The following KHDRBS2 variants were observed in gnomAD, a reference collection of about 807,000 sequenced individuals.
KHDRBS2 encodes KH domain-containing, RNA-binding, signal transduction-associated protein 2.
KHDRBS2 carries 26 observed loss-of-function variants against 44.3 expected under a neutral mutation model. The observed-to-expected ratio is 0.59, with a 90% CI of 0.43 to 0.81. The LOEUF (loss-of-function observed/expected upper bound fraction) is 0.81, where lower values mean the gene tolerates loss of function less well. Ranked by LOEUF, KHDRBS2 falls within the 40% of genes least tolerant of loss-of-function variation. KHDRBS2 has a pLI of 0.00. For synonymous variants in KHDRBS2, 194 were observed against 151.1 expected (o/e 1.28, Z -2.08); for missense variants, 476 against 433.1 (o/e 1.10, Z -0.88).
At position 61,881,376 on chromosome 6, in the gene KHDRBS2, C is replaced by T. The variant is rs542649260; in HGVS notation, c.810+13259G>A. ...AATTAAAATAATGAACTTGAAAAGA[C>T]CTTTTTTTAATATTCAAAATGCATG... On this transcript the variant is annotated intron_variant, in intron 6 of 8. Transcript: ENST00000281156. Among the ~76,000 whole-genome samples, 9 of 152,006 alleles carry T rather than the reference C, an allele frequency of 5.9e-5. No homozygotes were observed. In the East Asian group the frequency reaches 1.5e-3, roughly 26 times the overall value.
chr6:61,889,424 G>A (rs1238105372), intron 6 of KHDRBS2, among the ~76,000 whole-genome samples: 1 of 152,210 alleles, frequency 6.6e-6, no homozygotes, highest in African/African-American at 2.4e-5. Flanking sequence ...TCAACAAACA[G>A]TGTCTCAATT....
intron 1 of KHDRBS2, among the ~76,000 whole-genome samples, chr6:62,263,352 A>T (rs1838675667): frequency 6.6e-6 from 1 of 151,676 alleles, no homozygotes; most frequent in African/African-American, 2.4e-5. Flanking sequence ...CAGCTACTGT[A>T]ATATCAATTC....
intron 4 of KHDRBS2, among the ~76,000 whole-genome samples, chr6:61,952,407 C>T (rs951566657): frequency 2.6e-5 from 4 of 152,128 alleles, no homozygotes; most frequent in South Asian, 4.1e-4. Flanking sequence ...ATAATCTTGT[C>T]ATGATAATTT....
At chr6:61,622,892 C>T in the KHDRBS2 span, among the ~76,000 whole-genome samples, 1 of 152,004 alleles carries the variant, frequency 6.6e-6, no homozygotes. Context: ...GTTCACAGAA[C>T]TGGCTTTGTT....
chr6:61,778,455 G>A (rs1782442706), intron 6 of KHDRBS2, among the ~76,000 whole-genome samples: 1 of 152,076 alleles, frequency 6.6e-6, no homozygotes, highest in Non-Finnish European at 1.5e-5. Context: ...TATCTCACAA[G>A]AAATTCAGGT....
intron 6 of KHDRBS2, among the ~76,000 whole-genome samples, chr6:61,799,452 A>T (rs1437809550): frequency 6.6e-6 from 1 of 152,048 alleles, no homozygotes; most frequent in Non-Finnish European, 1.5e-5. Context: ...AGGAAATATT[A>T]CCATCATTAT....
chr6:61,891,403 T>C (rs987038253), intron 6 of KHDRBS2, among the ~76,000 whole-genome samples: 26 of 152,170 alleles, frequency 1.7e-4, no homozygotes, highest in African/African-American at 5.8e-4. Flanking sequence ...TCTTTTTTTG[T>C]TGTGTCTCTG....
chr6:61,769,291 C>T (rs1010537634), intron 6 of KHDRBS2, among the ~76,000 whole-genome samples: 6 of 152,076 alleles, frequency 3.9e-5, no homozygotes, highest in Non-Finnish European at 5.9e-5. Context: ...GTTCATCTCA[C>T]TGGAGAGTGC....
chr6:62,200,659 T>C lies in KHDRBS2; in HGVS notation c.92-23347A>G, dbSNP rs542992384. 2.0e-5 allele frequency among the ~76,000 whole-genome samples: 3 copies of C among 152,322 alleles called. No homozygotes were observed. The East Asian group carries it at 5.8e-4, about 29-fold the overall frequency. ...GTGGGACCATAAACTAGTTCAACCA[T>C]TGTGGAAGTCAGTGTGGTGATTCTT... On this transcript the variant is annotated intron_variant, in intron 1 of 8. Transcript: ENST00000281156.
chr6:61,556,738 T>C, the KHDRBS2 span, among the ~76,000 whole-genome samples: 6 of 152,284 alleles, frequency 3.9e-5, no homozygotes, highest in South Asian at 1.2e-3. Flanking sequence ...TGGTGTCTGG[T>C]ACAAGTGCTT....
At chr6:61,709,478 ATATATT>A (rs1416015022) in intron 7 of KHDRBS2, among the ~76,000 whole-genome samples, 1 of 151,648 alleles carries the variant, frequency 6.6e-6, no homozygotes, top group Non-Finnish European at 1.5e-5. Context: ...TAAGAAGGAA[ATATATT>A]TATATATGCT....
In KHDRBS2 at chr6:62,170,740, G is replaced by A. The variant is rs114659016; in HGVS notation, c.219+6445C>T. Among the ~76,000 whole-genome samples the A allele has an allele frequency of 1.5e-3, 232 of 152,104 alleles. 1 individual carries two copies. Among genetic ancestry groups the A allele is most frequent in the African/African-American group, 5.4e-3 (224 of 41,510 alleles). On this transcript the variant is annotated intron_variant, in intron 2 of 8. Transcript: ENST00000281156. ...AGTTGTGGCCACAAACCAGGATCAC[G>A]TTATCCTCCCCAGCACAGCAGGTTC...
At chr6:61,980,053 T>C (rs536445187) in intron 3 of KHDRBS2, among the ~76,000 whole-genome samples, 2 of 152,274 alleles carry the variant, frequency 1.3e-5, no homozygotes, top group South Asian at 2.1e-4. Context: ...TAGCTCATTA[T>C]GGAGCTCAAT....
intron 2 of KHDRBS2, among the ~76,000 whole-genome samples, chr6:62,161,385 CAAAT>C (rs1490141103): frequency 6.6e-6 from 1 of 150,830 alleles, no homozygotes; most frequent in African/African-American, 2.4e-5. Context: ...TAAAATAACA[CAAAT>C]AATATCCAAT....
intron 4 of KHDRBS2, among the ~76,000 whole-genome samples, chr6:61,957,473 C>T (rs544572277): frequency 3.3e-5 from 5 of 151,688 alleles, no homozygotes; most frequent in African/African-American, 1.2e-4. Context: ...AAAGAGAATG[C>T]GTCCCTGAGG....
intron 1 of KHDRBS2, among the ~76,000 whole-genome samples, chr6:62,259,637 C>T (rs557978259): frequency 6.6e-6 from 1 of 151,904 alleles, no homozygotes; most frequent in Non-Finnish European, 1.5e-5. Context: ...AAACATTTCT[C>T]GATTGAAAAT....
rs551345729 is a variant in KHDRBS2, at chr6:61,689,541, A to G, written c.952+7654T>C. On this transcript the variant is annotated intron_variant, in intron 8 of 8. Transcript: ENST00000281156. ...TTTGTCTCTTTGCTTGCTCTCTCCA[A>G]TCTTCTCAGAAGTGTAAATCTTAGC... is the stretch of plus-strand genomic sequence containing the variant. 1.6e-4 allele frequency among the ~76,000 whole-genome samples: 24 copies of G among 151,878 alleles called. 1 individual carries two copies. The highest frequency in any genetic ancestry group is 5.5e-4 in the African/African-American group (23 of 41,446).
chr6:62,099,182 C>A (rs1041758610), intron 2 of KHDRBS2, among the ~76,000 whole-genome samples: 2 of 152,044 alleles, frequency 1.3e-5, no homozygotes, highest in Non-Finnish European at 2.9e-5. Flanking sequence ...CATGGTTCCC[C>A]AAATGTTCTT....
intron 1 of KHDRBS2, among the ~76,000 whole-genome samples, chr6:62,204,492 G>C (rs970547964): frequency 6.6e-6 from 1 of 152,090 alleles, no homozygotes; most frequent in Non-Finnish European, 1.5e-5. Flanking sequence ...ACTTAAAGAT[G>C]AGCATCCAAA....
Sources: allele counts gnomAD v4.1 joint callset (sites outside exome capture counted in the v4.1 genomes callset), GRCh38; gene constraint gnomAD v4.1.1; transcripts MANE v1.5; gene names NCBI Gene and HGNC (gene_info 2026-07-23, HGNC 2026-07-21).